Variants in PRKAA1 observed in about 807,000 individuals in gnomAD.
The protein encoded by PRKAA1 is 5'-AMP-activated protein kinase catalytic subunit alpha-1.
PRKAA1 carries 23 observed loss-of-function variants against 56.9 expected under a neutral mutation model. That is an observed-to-expected ratio of 0.40 (90% CI 0.29 to 0.57). The LOEUF (loss-of-function observed/expected upper bound fraction) is 0.57, where lower values mean the gene tolerates loss of function less well. Among genes scored for constraint, PRKAA1 ranks in the 20% least tolerant of loss-of-function variants. The pLI is 0.39. For synonymous variants in PRKAA1, 226 were observed against 227.0 expected, an observed-to-expected ratio of 1.00 and a Z score of 0.04; for missense variants, 413 against 679.7, an observed-to-expected ratio of 0.61 and a Z score of 4.36.
chr5:40,784,243 G>A (rs1744377774), intron 1 of PRKAA1, among the ~76,000 whole-genome samples: 1 of 152,144 alleles, frequency 6.6e-6, no homozygotes, highest in African/African-American at 2.4e-5. Context: ...AGCTCTGATT[G>A]GTGATACCTA....
At chr5:40,767,415 C>A in intron 6 of PRKAA1, 51 bp downstream of exon 6, 2 of 1,462,284 alleles carry the variant, frequency 1.4e-6, no homozygotes, top group Non-Finnish European at 9.4e-7. Flanking sequence ...TTTCACATAA[C>A]TTTTATCATG....
chr5:40,770,267 G>A (rs997888033), intron 4 of PRKAA1, among the ~76,000 whole-genome samples: 4 of 152,082 alleles, frequency 2.6e-5, no homozygotes, highest in South Asian at 2.1e-4. Context: ...GTTCGAGTCC[G>A]GCCTGGCCAA....
rs972443048 is a variant in PRKAA1, at chr5:40,767,640, T to C, written c.647A>G (p.Tyr216Cys). The C allele has an allele frequency of 1.9e-6, 3 of 1,613,658 alleles. No homozygotes were observed. Among genetic ancestry groups the C allele is most frequent in the Non-Finnish European group, 1.7e-6 (2 of 1,179,630 alleles). ...VDIWSSGVILYALLCGTLPFD... is the reference protein window; with the variant it reads ...VDIWSSGVILCALLCGTLPFD... ...TGGAAGGGTTCCACATAATAAAGCATAGAGAATAACCCCACTGCTCCATAT... is the reference window on the plus strand; with the variant it reads ...TGGAAGGGTTCCACATAATAAAGCACAGAGAATAACCCCACTGCTCCATAT... The change falls in exon 6 of 9, where the codon TAT (tyrosine) becomes TGT (cysteine). Residue 216 changes from tyrosine (Y) to cysteine (C), a missense_variant. Transcript: ENST00000397128.
intron 1 of PRKAA1, among the ~76,000 whole-genome samples, chr5:40,795,395 T>A (rs552007608): frequency 6.6e-6 from 1 of 152,196 alleles, no homozygotes; most frequent in East Asian, 1.9e-4. Flanking sequence ...AAGAAAAATT[T>A]AAAAAATAAA....
chr5:40,777,372 CTT>C, intron 2 of PRKAA1, 71 bp downstream of exon 2: 1 of 1,462,276 alleles, frequency 6.8e-7, no homozygotes, highest in Non-Finnish European at 9.3e-7. Flanking sequence ...ATTTTTCTCA[CTT>C]GTCACATTAA....
rs768519806 is a variant in PRKAA1, at chr5:40,767,480, T to A, written c.807A>T (p.Thr269=). 1 of 1,610,522 alleles carries A rather than the reference T, an allele frequency of 6.2e-7. No homozygotes were observed. The highest frequency in any genetic ancestry group is 1.7e-5 in the Admixed American group (1 of 60,000). ...TGCTTTATTACCTGATATCTTTGAT[T>A]GTGGCCCTCTTCATGGGATCCACCT... The part of the protein sequence containing the change: ...MLQVDPMKRA[T]IKDIREHEWF... Residue 269 remains threonine (T), a synonymous_variant, in exon 6 of 9, where the codon ACA becomes ACT. Coordinates refer to ENST00000397128, the MANE Select transcript of PRKAA1 (RefSeq NM_006251.6).
chr5:40,782,870 C>T (rs1018242230), intron 1 of PRKAA1, among the ~76,000 whole-genome samples: 7 of 152,058 alleles, frequency 4.6e-5, no homozygotes, highest in Non-Finnish European at 8.8e-5. Flanking sequence ...CAAAAGAAGG[C>T]ATAATAAGCA....
chr5:40,793,920 G>C (rs765408440), intron 1 of PRKAA1, among the ~76,000 whole-genome samples: 1 of 152,124 alleles, frequency 6.6e-6, no homozygotes, highest in African/African-American at 2.4e-5. Flanking sequence ...TGGCCAACAT[G>C]ATGAAACCCC....
At chr5:40,770,755 C>A (rs1040572010) in intron 4 of PRKAA1, among the ~76,000 whole-genome samples, 3 of 151,704 alleles carry the variant, frequency 2.0e-5, no homozygotes, top group South Asian at 4.1e-4. Context: ...CCATGCCCAG[C>A]TAATTTTGTA....
intron 2 of PRKAA1, chr5:40,776,903 C>T (rs1362495780): frequency 6.6e-6 from 1 of 152,186 alleles, no homozygotes; most frequent in Non-Finnish European, 1.5e-5. Context: ...AGCATCTTTC[C>T]AGGAGACAGG....
chr5:40,789,756 A>G (rs1408755214), intron 1 of PRKAA1, among the ~76,000 whole-genome samples: 1 of 152,186 alleles, frequency 6.6e-6, no homozygotes, highest in Non-Finnish European at 1.5e-5. Flanking sequence ...TAATTTTTCA[A>G]AAGAGTTAAA....
intron 3 of PRKAA1, among the ~76,000 whole-genome samples, chr5:40,773,597 T>C (rs837101): frequency 0.71 from 107,315 of 152,014 alleles, 37,873 homozygotes; most frequent in East Asian, 0.8. Context: ...TCACCAAGGA[T>C]GACAATAGAT....
Position 40,787,690 on chromosome 5 carries a change from T to C in PRKAA1, c.128-10104A>G, listed in dbSNP as rs958295696. Among the ~76,000 whole-genome samples, 5 of 144,284 alleles carry C rather than the reference T, an allele frequency of 3.5e-5. No individual in the cohort carries two copies. The Admixed American group carries it at 3.7e-4, about 11-fold the overall frequency. The allele number at this position is 144,284 out of a possible 152,430, so 94.7% of individuals were successfully genotyped here. On this transcript the variant is annotated intron_variant, in intron 1 of 8. Transcript: ENST00000397128. Reference sequence around the variant, plus strand: ...AGGGTAACTACAAAGCAAAAGCCTTTGCTTTTGCAAAAGATAAAAAGAAAA... The same window carrying C: ...AGGGTAACTACAAAGCAAAAGCCTTCGCTTTTGCAAAAGATAAAAAGAAAA...
chr5:40,789,890 C>T (rs978890653), intron 1 of PRKAA1, among the ~76,000 whole-genome samples: 2 of 152,160 alleles, frequency 1.3e-5, no homozygotes, highest in African/African-American at 2.4e-5. Context: ...CATTGTGCCC[C>T]ATAAATATAT....
chr5:40,766,827 T>C (rs1373422793), intron 6 of PRKAA1, among the ~76,000 whole-genome samples: 3 of 148,114 alleles, frequency 2.0e-5, no homozygotes, highest in African/African-American at 7.5e-5. Context: ...GCAAGACCTG[T>C]CACTACAAAC....
At chr5:40,795,034 C>T (rs565256955) in intron 1 of PRKAA1, among the ~76,000 whole-genome samples, 1 of 145,924 alleles carries the variant, frequency 6.9e-6, no homozygotes, top group East Asian at 2.1e-4. Context: ...CACACACACA[C>T]AAAATGGAAT....
chr5:40,796,868 T>C (rs1214719175), intron 1 of PRKAA1, among the ~76,000 whole-genome samples: 1 of 152,176 alleles, frequency 6.6e-6, no homozygotes, highest in Non-Finnish European at 1.5e-5. Flanking sequence ...ACCAAGAACT[T>C]AGTATATGCA....
intron 5 of PRKAA1, 47 bp from the exon 6 acceptor site, chr5:40,767,737 G>A (rs776612109): frequency 6.8e-7 from 1 of 1,476,572 alleles, no homozygotes; most frequent in South Asian, 1.2e-5. Context: ...TTTAACCTAA[G>A]ATTCAGTTCA....
At chr5:40,765,651 TAA>T (rs1332375620) in intron 6 of PRKAA1, among the ~76,000 whole-genome samples, 3 of 152,206 alleles carry the variant, frequency 2.0e-5, no homozygotes, top group Admixed American at 6.5e-5. Flanking sequence ...TACTATATGC[TAA>T]GTTTTATGCT....
Sources: gnomAD v4.1 joint callset for allele counts (sites outside exome capture counted in the v4.1 genomes callset) on GRCh38, gnomAD v4.1.1 for gene constraint, MANE v1.5 for transcripts, NCBI Gene and HGNC (gene_info 2026-07-23, HGNC 2026-07-21) for gene names.